The following HELZ variants were observed in gnomAD, a reference collection of about 807,000 sequenced individuals.
HELZ encodes ATP-dependent RNA helicase with zinc finger domain.
Under a neutral mutation model 218.2 loss-of-function variants are expected in HELZ, and 23 were observed. The observed-to-expected ratio is 0.11, with a 90% confidence interval of 0.08 to 0.15. The LOEUF (loss-of-function observed/expected upper bound fraction) is 0.15. Among genes scored for constraint, HELZ ranks in the 10% least tolerant of loss-of-function variants. The pLI is 1.00. For missense variants in HELZ, 1,813 were observed against 2,353.7 expected (o/e 0.77, Z 4.75); for synonymous variants, 814 against 829.4 (o/e 0.98, Z 0.32).
chr17:67,203,043 G>T lies in HELZ; in HGVS notation c.372+276C>A, dbSNP rs953284169. Among the ~76,000 whole-genome samples the T allele has an allele frequency of 2.0e-5, 3 of 151,930 alleles. No homozygotes were observed. The East Asian group carries it at 5.8e-4, about 29-fold the overall frequency. On this transcript the variant is annotated intron_variant, in intron 6 of 32. Coordinates refer to ENST00000358691, the MANE Select transcript of HELZ (RefSeq NM_014877.4). Reference sequence around the variant, plus strand: ...AGGCTGAGGCAGGAGGATCGCTTGAGCCCAGGAGGTTGAAGCTGCAGTGTG... The same window carrying T: ...AGGCTGAGGCAGGAGGATCGCTTGATCCCAGGAGGTTGAAGCTGCAGTGTG...
chr17:67,109,060 T>C (rs2037195650), intron 29 of HELZ, 56 bp downstream of exon 29: 2 of 1,358,928 alleles, frequency 1.5e-6, no homozygotes, highest in East Asian at 2.3e-5. Flanking sequence ...TATTATACAG[T>C]CCAAGTCATG....
intron 28 of HELZ, among the ~76,000 whole-genome samples, chr17:67,111,896 A>C (rs1334838142): frequency 6.6e-6 from 1 of 152,240 alleles, no homozygotes; most frequent in Non-Finnish European, 1.5e-5. Flanking sequence ...TATTGTTGAT[A>C]TGCATAGTTT....
chr17:67,105,168 C>G lies in HELZ; in HGVS notation c.5241+2001G>C, dbSNP rs146410146. Among the ~76,000 whole-genome samples the G allele has an allele frequency of 9.1e-4, 139 of 152,240 alleles. 1 individual carries two copies. Among genetic ancestry groups the G allele is most frequent in the African/African-American group, 3.2e-3 (135 of 41,550 alleles). Reference sequence around the variant, plus strand: ...CAAACAACACTACAATGAGATCCTACTACACACCCATTAGGATGGTTATAA... The same window carrying G: ...CAAACAACACTACAATGAGATCCTAGTACACACCCATTAGGATGGTTATAA... On this transcript the variant is annotated intron_variant, in intron 31 of 32. Transcript: ENST00000358691.
At chr17:67,163,435 G>A (rs996386221) in intron 15 of HELZ, among the ~76,000 whole-genome samples, 23 of 151,690 alleles carry the variant, frequency 1.5e-4, no homozygotes, top group African/African-American at 4.6e-4. Context: ...GTCTCGCTCT[G>A]TCGCCCAGGC....
At chr17:67,181,401 T>C (rs1598382662) in intron 12 of HELZ, among the ~76,000 whole-genome samples, 1 of 152,204 alleles carries the variant, frequency 6.6e-6, no homozygotes, top group African/African-American at 2.4e-5. Context: ...GTATTCAGGC[T>C]TTTGGGGAAA....
chr17:67,116,742 A>G (rs2037439017), intron 27 of HELZ, among the ~76,000 whole-genome samples: 1 of 152,192 alleles, frequency 6.6e-6, no homozygotes, highest in Non-Finnish European at 1.5e-5. Context: ...TTAGACAAAT[A>G]CCAATTATAT....
intron 31 of HELZ, among the ~76,000 whole-genome samples, chr17:67,094,865 A>T (rs569992619): frequency 6.6e-6 from 1 of 152,324 alleles, no homozygotes; most frequent in East Asian, 1.9e-4. Flanking sequence ...TTCTCTGGCT[A>T]AAAAACTTAA....
At position 67,224,773 on chromosome 17, in the gene HELZ, G is replaced by A. The variant is rs7214847; in HGVS notation, c.-18-5951C>T. 18,740 of 1,176,744 alleles carry A rather than the reference G, an allele frequency of 0.016. 2,001 individuals carry two copies. In the African/African-American group the frequency reaches 0.24, roughly 15 times the overall value. 72.9% of individuals were successfully genotyped at this position (1,176,744 alleles called of 1,614,324 possible). ...CCGCCGGACTTTCTGTAAGAAGTGT[G>A]GCAAGCACCAACCCCACAAAACGAC... On this transcript the variant is annotated intron_variant, in intron 3 of 32. Coordinates refer to ENST00000358691, the MANE Select transcript of HELZ (RefSeq NM_014877.4).
At position 67,109,296 on chromosome 17, in the gene HELZ, C is replaced by G; in HGVS notation, c.4309G>C (p.Ala1437Pro). The G allele has an allele frequency of 6.2e-7, 1 of 1,614,080 alleles. No individual in the cohort carries two copies. The highest frequency in any genetic ancestry group is 8.5e-7 in the Non-Finnish European group (1 of 1,180,026). ...GCAGGAGGAGACTGTGGCCGATGAG[C>G]AACTGCACTATTAAAAAAAGCATTG... ...PNNAFFNSAVAHRPQSPPAEA... is the reference protein window; with the variant it reads ...PNNAFFNSAVPHRPQSPPAEA... Residue 1437 changes from alanine to proline, a missense_variant, in exon 29 of 33, where the codon GCT becomes CCT. Ala to Pro is a conservative substitution (Grantham distance 27, BLOSUM62 -1). Transcript: ENST00000358691.
At chr17:67,178,531 T>C (rs2039520495) in intron 13 of HELZ, 128 bp downstream of exon 13, 2 of 737,932 alleles carry the variant, frequency 2.7e-6, no homozygotes, top group Non-Finnish European at 2.2e-6. Flanking sequence ...CCTTTAAAGA[T>C]AGAATACAGT....
chr17:67,167,627 C>T lies in HELZ; in HGVS notation c.1600G>A (p.Val534Ile), dbSNP rs1272184826. The change falls in exon 14 of 33, where the codon GTT becomes ATT. Residue 534 changes from valine (V) to isoleucine (I), a missense_variant. Physicochemically the swap from Val to Ile is conservative, Grantham distance 29 (BLOSUM62 3). Coordinates refer to ENST00000358691, the MANE Select transcript of HELZ (RefSeq NM_014877.4). The stretch of plus-strand genomic sequence containing the variant: ...TGTTTAGGGACTGGTAATAAATAAA[C>T]AGCATTGACTTTGGTCATCACCAGT... ...GRLVMTKVNA[V>I]YLLPVPKQKL... 6.2e-7 allele frequency: 1 copy of T among 1,614,160 alleles called. No homozygotes were observed. The highest frequency in any genetic ancestry group is 1.1e-5 in the South Asian group (1 of 91,084).
At chr17:67,137,784 C>A in intron 22 of HELZ, 147 bp downstream of exon 22, 4 of 585,810 alleles carry the variant, frequency 6.8e-6, no homozygotes, top group Non-Finnish European at 5.8e-6. Context: ...TGAATTCAAC[C>A]TTTAATTGCC....
At chr17:67,230,598 A>AG (rs1438640165) in intron 3 of HELZ, among the ~76,000 whole-genome samples, 1 of 150,812 alleles carries the variant, frequency 6.6e-6, no homozygotes, top group Non-Finnish European at 1.5e-5. Flanking sequence ...TCCATCTCAA[A>AG]AAAAAAAAAA....
At chr17:67,208,815 T>G (rs9907599) in intron 5 of HELZ, among the ~76,000 whole-genome samples, 1 of 151,616 alleles carries the variant, frequency 6.6e-6, no homozygotes, top group African/African-American at 2.4e-5. Context: ...CATGTGCCTA[T>G]AGTCCCAGCT....
Position 67,188,678 on chromosome 17 carries a change from G to A in HELZ, c.865-62C>T. On this transcript the variant is annotated intron_variant, in intron 11 of 32. Coordinates refer to ENST00000358691, the MANE Select transcript of HELZ (RefSeq NM_014877.4). The surrounding 1 kb of genome is among the most constrained non-coding windows in gnomAD (Gnocchi z 4.1). ...GGGTGAAAAATCCAATTGTAATTGG[G>A]CTCTTCAATGAAAATATTTCCATAA... is the stretch of plus-strand genomic sequence containing the variant. 1.5e-6 allele frequency: 2 copies of A among 1,307,586 alleles called. No homozygotes were observed. The highest frequency in any genetic ancestry group is 2.1e-6 in the Non-Finnish European group (2 of 936,682). 81.0% of individuals were successfully genotyped at this position (1,307,586 alleles called of 1,614,324 possible).
At chr17:67,213,969 A>G (rs1266022092) in intron 5 of HELZ, among the ~76,000 whole-genome samples, 1 of 152,234 alleles carries the variant, frequency 6.6e-6, no homozygotes, top group African/African-American at 2.4e-5. Flanking sequence ...TCTACGTATT[A>G]TAAGCACTTA....
chr17:67,097,621 C>T (rs1414179205), intron 31 of HELZ, among the ~76,000 whole-genome samples: 1 of 152,208 alleles, frequency 6.6e-6, no homozygotes, highest in Non-Finnish European at 1.5e-5. Flanking sequence ...AATATTACAT[C>T]TCAGAGAAAA....
intron 31 of HELZ, among the ~76,000 whole-genome samples, chr17:67,091,864 T>C (rs573500353): frequency 1.4e-4 from 21 of 152,222 alleles, no homozygotes; most frequent in African/African-American, 5.1e-4. Context: ...ACACTTAGGG[T>C]CTACTAACTT....
chr17:67,203,716 T>C (rs1310103605), intron 5 of HELZ, among the ~76,000 whole-genome samples: 1 of 152,224 alleles, frequency 6.6e-6, no homozygotes, highest in African/African-American at 2.4e-5. Context: ...GGAAAAATAC[T>C]GTTCAACCTA....
Sources: gnomAD v4.1 joint callset for allele counts (sites outside exome capture counted in the v4.1 genomes callset) on GRCh38, gnomAD v4.1.1 for gene constraint, Gnocchi (gnomAD v3.1) non-coding constraint, MANE v1.5 for transcripts, NCBI Gene and HGNC (gene_info 2026-07-23, HGNC 2026-07-21) for gene names.